CORO2B: variants seen among roughly 807,000 people sequenced by gnomAD.
The protein encoded by CORO2B is coronin 2B.
Under a neutral mutation model 58.8 loss-of-function variants are expected in CORO2B, and 26 were observed. The observed-to-expected ratio is 0.44, with a 90% CI of 0.32 to 0.61. CORO2B has a LOEUF of 0.61. Among genes scored for constraint, CORO2B ranks in the 20% least tolerant of loss-of-function variants. The pLI, the probability that CORO2B is intolerant of heterozygous loss-of-function variation, is 0.04. For synonymous variants in CORO2B, 242 were observed against 253.8 expected, an observed-to-expected ratio of 0.95 and a Z score of 0.44; for missense variants, 460 against 645.1, an observed-to-expected ratio of 0.71 and a Z score of 3.11.
chr15:68,541,228 C>T, the CORO2B span, among the ~76,000 whole-genome samples: 1 of 47,862 alleles, frequency 2.1e-5, no homozygotes, highest in African/African-American at 6.6e-5. Context: ...GAGCCAGACC[C>T]TGTCTCAAAT....
intron 1 of CORO2B, among the ~76,000 whole-genome samples, chr15:68,581,184 A>G (rs1243194208): frequency 1.3e-5 from 2 of 152,140 alleles, no homozygotes; most frequent in African/African-American, 4.8e-5. Context: ...GCTTCTTGGT[A>G]TCCAGTAACT....
chr15:68,555,749 C>T, the CORO2B span, among the ~76,000 whole-genome samples: 4 of 152,242 alleles, frequency 2.6e-5, no homozygotes, highest in Admixed American at 1.3e-4. Context: ...GTGGAGAACT[C>T]GGAGAAGTCT....
intron 1 of CORO2B, among the ~76,000 whole-genome samples, chr15:68,590,491 C>T (rs1009075453): frequency 1.3e-5 from 2 of 152,020 alleles, no homozygotes; most frequent in African/African-American, 4.8e-5. Flanking sequence ...AAGGGGCAAA[C>T]TGGGCCATAA....
intron 2 of CORO2B, among the ~76,000 whole-genome samples, chr15:68,665,752 GA>G (rs1902172411): frequency 6.6e-6 from 1 of 151,868 alleles, no homozygotes; most frequent in Non-Finnish European, 1.5e-5. Context: ...TTGTATACTA[GA>G]AAGCCATAAG....
chr15:68,643,877 A>C (rs774368043), intron 1 of CORO2B, among the ~76,000 whole-genome samples: 1 of 152,102 alleles, frequency 6.6e-6, no homozygotes, highest in Non-Finnish European at 1.5e-5. Flanking sequence ...TCTCTACTAA[A>C]AATGCAAAAA....
At chr15:68,702,821 C>CTTTTTTTTTTTTTTTTTTTTTTT (rs113249272) in intron 3 of CORO2B, among the ~76,000 whole-genome samples, 14 of 96,252 alleles carry the variant, frequency 1.5e-4, no homozygotes, top group East Asian at 5.4e-4. Flanking sequence ...TTTTCTTTTT[C>CTTTTTTTTTTTTTTTTTTTTTTT]TTTTTTTTTT....
At chr15:68,651,719 G>C (rs1432551764) in intron 2 of CORO2B, among the ~76,000 whole-genome samples, 1 of 152,008 alleles carries the variant, frequency 6.6e-6, no homozygotes, top group Non-Finnish European at 1.5e-5. Context: ...CTCATTCCTT[G>C]CTTGCTTTTC....
chr15:68,607,370 C>T (rs1008290736), intron 1 of CORO2B, among the ~76,000 whole-genome samples: 3 of 152,184 alleles, frequency 2.0e-5, no homozygotes, highest in Non-Finnish European at 4.4e-5. Flanking sequence ...AGATATTTTA[C>T]ATGATGACTT....
the CORO2B span, among the ~76,000 whole-genome samples, chr15:68,548,637 G>A: frequency 2.0e-5 from 3 of 152,244 alleles, no homozygotes; most frequent in East Asian, 3.9e-4. Context: ...ACTACTTATT[G>A]TCAAATTTCT....
the CORO2B span, among the ~76,000 whole-genome samples, chr15:68,557,237 A>C: frequency 6.6e-6 from 1 of 152,214 alleles, no homozygotes; most frequent in Non-Finnish European, 1.5e-5. Flanking sequence ...CTGAATCTTG[A>C]ACACAACCTT....
intron 1 of CORO2B, among the ~76,000 whole-genome samples, chr15:68,605,727 T>TG (rs1210731215): frequency 5.0e-5 from 7 of 140,290 alleles, no homozygotes; most frequent in African/African-American, 1.9e-4. Context: ...TTTTTTTTTT[T>TG]TTTTTTTTTT....
chr15:68,572,588 T>C, the CORO2B span, among the ~76,000 whole-genome samples: 2 of 152,134 alleles, frequency 1.3e-5, no homozygotes, highest in African/African-American at 4.8e-5. Flanking sequence ...GGTGTCAGAA[T>C]ACCTCCTTGC....
chr15:68,580,847 C>T (rs899588556), intron 1 of CORO2B, among the ~76,000 whole-genome samples: 5 of 152,058 alleles, frequency 3.3e-5, no homozygotes, highest in African/African-American at 4.8e-5. Context: ...TTTTTGTGCG[C>T]GAGCTCATGC....
At chr15:68,620,230 T>G (rs1900480012) in intron 1 of CORO2B, among the ~76,000 whole-genome samples, 1 of 152,170 alleles carries the variant, frequency 6.6e-6, no homozygotes, top group Non-Finnish European at 1.5e-5. Context: ...GTATATTTAT[T>G]TAATGTGTTT....
intron 2 of CORO2B, among the ~76,000 whole-genome samples, chr15:68,681,107 C>T (rs756283547): frequency 8.7e-5 from 13 of 149,382 alleles, no homozygotes; most frequent in African/African-American, 1.2e-4. Flanking sequence ...CAGCTACTCG[C>T]GAACCTGAGG....
At chr15:68,718,961 T>C in intron 9 of CORO2B, 151 bp downstream of exon 9, 1 of 837,246 alleles carries the variant, frequency 1.2e-6, no homozygotes, top group African/African-American at 1.7e-5. Flanking sequence ...CATTCTCAGA[T>C]GGGGACAGTT....
chr15:68,566,888 C>T, the CORO2B span, among the ~76,000 whole-genome samples: 272 of 152,298 alleles, frequency 1.8e-3, 3 homozygotes, highest in African/African-American at 6.4e-3. Context: ...ATACACAACT[C>T]GTTGGGGTTT....
chr15:68,689,690 A>G (rs1892307643), intron 2 of CORO2B, among the ~76,000 whole-genome samples: 1 of 152,232 alleles, frequency 6.6e-6, no homozygotes, highest in African/African-American at 2.4e-5. Flanking sequence ...AGTAACTTGT[A>G]CAACAGAGGC....
intron 2 of CORO2B, among the ~76,000 whole-genome samples, chr15:68,692,736 T>C (rs1244907774): frequency 4.0e-5 from 6 of 150,398 alleles, no homozygotes; most frequent in Non-Finnish European, 1.5e-5. Flanking sequence ...TAGGTTCAAG[T>C]GATTCTCATG....
Sources: gnomAD v4.1 joint callset for allele counts (sites outside exome capture counted in the v4.1 genomes callset) on GRCh38, gnomAD v4.1.1 for gene constraint, MANE v1.5 for transcripts, NCBI Gene and HGNC (gene_info 2026-07-23, HGNC 2026-07-21) for gene names.